The following SNTG2 variants were observed in gnomAD, a reference collection of about 807,000 sequenced individuals.
SNTG2 encodes syntrophin gamma 2, also known as gamma-2-syntrophin.
In SNTG2, 74 loss-of-function variants were observed where a neutral mutation model predicts 70.9. That is an observed-to-expected ratio of 1.04 (90% CI 0.86 to 1.27). The LOEUF (loss-of-function observed/expected upper bound fraction) is 1.27. Among genes scored for constraint, SNTG2 ranks in the 50% most tolerant of loss-of-function variants. The pLI is 0.00. For missense variants in SNTG2, 717 were observed against 690.7 expected (o/e 1.04, Z -0.43); for synonymous variants, 278 against 273.8 (o/e 1.02, Z -0.15).
intron 12 of SNTG2, among the ~76,000 whole-genome samples, chr2:1,251,044 C>G (rs976613233): frequency 6.6e-6 from 1 of 152,344 alleles, no homozygotes; most frequent in Non-Finnish European, 1.5e-5. Flanking sequence ...GGGCTTCTTT[C>G]CATCATTGTG....
At chr2:974,835 T>C (rs920216993) in intron 1 of SNTG2, among the ~76,000 whole-genome samples, 1 of 152,188 alleles carries the variant, frequency 6.6e-6, no homozygotes, top group Non-Finnish European at 1.5e-5. Flanking sequence ...TTTTACACTC[T>C]CTGACATTCT....
chr2:1,243,308 G>A (rs577558672), intron 11 of SNTG2, among the ~76,000 whole-genome samples: 3 of 152,214 alleles, frequency 2.0e-5, no homozygotes, highest in African/African-American at 4.8e-5. Flanking sequence ...GGAAGAAAGA[G>A]CAAGCAGCCC....
At chr2:1,106,193 G>A (rs1233618429) in intron 4 of SNTG2, among the ~76,000 whole-genome samples, 2 of 110,540 alleles carry the variant, frequency 1.8e-5, no homozygotes, top group Non-Finnish European at 3.7e-5. Flanking sequence ...GCTGTCACTC[G>A]GGTTCAGGGT....
chr2:963,203 A>G (rs1033504049), intron 1 of SNTG2, among the ~76,000 whole-genome samples: 4 of 152,244 alleles, frequency 2.6e-5, no homozygotes, highest in Admixed American at 2.0e-4. Flanking sequence ...TTTAAAGCCT[A>G]TTTTTCCAAA....
chr2:989,149 A>G (rs748496469), intron 1 of SNTG2, among the ~76,000 whole-genome samples: 10 of 152,144 alleles, frequency 6.6e-5, no homozygotes, highest in Admixed American at 4.6e-4. Context: ...AAGATTTTCT[A>G]TGTAGGCAAT....
chr2:1,137,889 T>G, intron 6 of SNTG2, 80 bp downstream of exon 6: 1 of 1,304,894 alleles, frequency 7.7e-7, no homozygotes, highest in Non-Finnish European at 1.1e-6. Context: ...GATATTTCAC[T>G]GAGTCTATCC....
intron 11 of SNTG2, among the ~76,000 whole-genome samples, chr2:1,244,622 G>A: frequency 1.3e-5 from 2 of 148,818 alleles, no homozygotes; most frequent in East Asian, 4.0e-4. Flanking sequence ...CGTGAACCTG[G>A]GAGGCAGAGC....
In SNTG2 at chr2:1,282,755, C is replaced by A. The variant is rs1036158277; in HGVS notation, c.1284+15184C>A. On this transcript the variant is annotated intron_variant, in intron 14 of 16. Coordinates refer to ENST00000308624, the MANE Select transcript of SNTG2 (RefSeq NM_018968.4). ...GATCACCCCCGCCCACCCCCGCCCCCACGTCAGTGAGCTGGGCGCTCTCCA... is the reference window on the plus strand; with the variant it reads ...GATCACCCCCGCCCACCCCCGCCCCAACGTCAGTGAGCTGGGCGCTCTCCA... Among the ~76,000 whole-genome samples the A allele has an allele frequency of 2.0e-5, 3 of 151,382 alleles. No homozygotes were observed. In the East Asian group the frequency reaches 5.9e-4, roughly 30 times the overall value.
At chr2:1,046,985 C>T (rs921112963) in intron 1 of SNTG2, among the ~76,000 whole-genome samples, 2 of 152,104 alleles carry the variant, frequency 1.3e-5, no homozygotes, top group Non-Finnish European at 2.9e-5. Context: ...TCTTCTCTTT[C>T]AGGAATGTCA....
intron 4 of SNTG2, among the ~76,000 whole-genome samples, chr2:1,137,279 C>T (rs773703146): frequency 5.9e-4 from 89 of 151,984 alleles, no homozygotes; most frequent in African/African-American, 1.2e-3. Context: ...CCCACACCCA[C>T]GCATGCACAC....
chr2:1,142,857 A>G (rs1668847246), intron 6 of SNTG2, among the ~76,000 whole-genome samples: 1 of 152,174 alleles, frequency 6.6e-6, no homozygotes, highest in African/African-American at 2.4e-5. Flanking sequence ...GCACAATCAA[A>G]AGTTCATTTC....
At chr2:1,311,742 T>TA (rs1263180737) in intron 15 of SNTG2, among the ~76,000 whole-genome samples, 2 of 152,186 alleles carry the variant, frequency 1.3e-5, no homozygotes, top group Admixed American at 6.5e-5. Context: ...TTAGTCATTA[T>TA]AAAAAAATCA....
intron 9 of SNTG2, among the ~76,000 whole-genome samples, chr2:1,228,198 C>CG (rs1194880969): frequency 6.6e-6 from 1 of 152,356 alleles, no homozygotes; most frequent in Admixed American, 6.5e-5. Flanking sequence ...TTCGAGCTGG[C>CG]GGGGGGCCCT....
At chr2:1,073,166 T>G (rs868511811) in intron 1 of SNTG2, among the ~76,000 whole-genome samples, 2 of 152,354 alleles carry the variant, frequency 1.3e-5, no homozygotes, top group Middle Eastern at 3.4e-3. Flanking sequence ...GTGGCAGGGT[T>G]TAAGAGGTTT....
intron 8 of SNTG2, among the ~76,000 whole-genome samples, chr2:1,206,405 G>C (rs561024600): frequency 5.8e-4 from 88 of 152,270 alleles, no homozygotes; most frequent in Middle Eastern, 3.4e-3. Flanking sequence ...AGAGAGCAAA[G>C]AGCTGGGTGT....
At chr2:1,249,036 G>A (rs559763500) in intron 12 of SNTG2, among the ~76,000 whole-genome samples, 29 of 152,256 alleles carry the variant, frequency 1.9e-4, no homozygotes, top group African/African-American at 6.5e-4. Context: ...AGCAAGGCCC[G>A]GCTGGTAAAC....
At chr2:978,341 C>CT (rs1306914633) in intron 1 of SNTG2, among the ~76,000 whole-genome samples, 1 of 152,112 alleles carries the variant, frequency 6.6e-6, no homozygotes, top group East Asian at 1.9e-4. Flanking sequence ...ATTCAACGTT[C>CT]TTTTTTCCAG....
intron 9 of SNTG2, among the ~76,000 whole-genome samples, chr2:1,232,757 G>T (rs2148081855): frequency 6.6e-6 from 1 of 152,278 alleles, no homozygotes; most frequent in East Asian, 1.9e-4. Flanking sequence ...ATATACTACA[G>T]AGACAGTTTT....
intron 6 of SNTG2, among the ~76,000 whole-genome samples, chr2:1,154,863 C>T (rs932066885): frequency 6.6e-6 from 1 of 151,584 alleles, no homozygotes; most frequent in African/African-American, 2.4e-5. Flanking sequence ...CATAGACATG[C>T]ACACACCACA....
Sources: gnomAD v4.1 joint callset for allele counts (sites outside exome capture counted in the v4.1 genomes callset) on GRCh38, gnomAD v4.1.1 for gene constraint, MANE v1.5 for transcripts, NCBI Gene and HGNC (gene_info 2026-07-23, HGNC 2026-07-21) for gene names.